LPGAT1: variants seen among roughly 807,000 people sequenced by gnomAD.
LPGAT1 encodes acyl-CoA:lysophosphatidylglycerol acyltransferase 1.
A neutral mutation model predicts 47.5 loss-of-function variants in LPGAT1; 11 were observed. The observed-to-expected ratio is 0.23, with a 90% CI of 0.15 to 0.38. The LOEUF is 0.38. Among genes scored for constraint, LPGAT1 ranks in the 10% least tolerant of loss-of-function variants. LPGAT1 has a pLI of 1.00. For synonymous variants in LPGAT1, 138 were observed against 144.2 expected, an observed-to-expected ratio of 0.96 and a Z score of 0.31; for missense variants, 293 against 439.0, an observed-to-expected ratio of 0.67 and a Z score of 2.97.
intron 6 of LPGAT1, among the ~76,000 whole-genome samples, chr1:211,769,178 T>C (rs1009535809): frequency 7.2e-5 from 11 of 152,134 alleles, no homozygotes; most frequent in Non-Finnish European, 1.5e-5. Context: ...TAGGAGCTTA[T>C]GTAGTAATCT....
At chr1:211,752,031 A>G (rs1657209510) in intron 6 of LPGAT1, among the ~76,000 whole-genome samples, 1 of 152,178 alleles carries the variant, frequency 6.6e-6, no homozygotes, top group Non-Finnish European at 1.5e-5. Flanking sequence ...CCATCTTCCC[A>G]ATACAATTGT....
intron 6 of LPGAT1, among the ~76,000 whole-genome samples, chr1:211,775,340 AC>A (rs1658351758): frequency 6.6e-6 from 1 of 152,110 alleles, no homozygotes. Context: ...AAATAGACAA[AC>A]CACTGATTAA....
chr1:211,770,188 G>A (rs1219054498), intron 6 of LPGAT1, among the ~76,000 whole-genome samples: 1 of 152,048 alleles, frequency 6.6e-6, no homozygotes, highest in East Asian at 1.9e-4. Flanking sequence ...ATATCTTGCA[G>A]TAATATCCTG....
At position 211,747,033 on chromosome 1, in the gene LPGAT1, A is replaced by AT. The variant is rs1475133834; in HGVS notation, c.*2865dup. 6.6e-6 allele frequency: 1 copy of AT among 152,252 alleles called. No individual in the cohort carries two copies. The highest frequency in any genetic ancestry group is 1.5e-5 in the Non-Finnish European group (1 of 68,038). 9.4% of individuals were successfully genotyped at this position (152,252 alleles called of 1,614,324 possible). On this transcript the variant is annotated 3_prime_UTR_variant, in exon 8 of 8. Transcript: ENST00000366997. ...AGCTGAGCTTCTACAAGCTATTGAT[A>AT]TAAAACTGGCATAGTTTTATCTTCT... is the stretch of plus-strand genomic sequence containing the variant.
chr1:211,793,411 T>G (rs1191351375), intron 2 of LPGAT1: 2 of 82,678 alleles, frequency 2.4e-5, no homozygotes, highest in Admixed American at 1.3e-4. Context: ...CATTATTTAT[T>G]TATTTATTTA....
chr1:211,796,029 C>T lies in LPGAT1; in HGVS notation c.239-2839G>A, dbSNP rs953071269. On this transcript the variant is annotated intron_variant, in intron 2 of 7. Coordinates refer to ENST00000366997, the MANE Select transcript of LPGAT1 (RefSeq NM_014873.3). ...GTCTCATCACCAAATAGTCCTTTAA[C>T]GCAATCTGTGCTACATGAGTGGAAA... Among the ~76,000 whole-genome samples the T allele has an allele frequency of 5.3e-5, 8 of 151,894 alleles. No homozygotes were observed. The South Asian group carries it at 6.2e-4, about 12-fold the overall frequency.
chr1:211,796,330 A>G (rs563633192), intron 2 of LPGAT1, among the ~76,000 whole-genome samples: 10 of 152,276 alleles, frequency 6.6e-5, no homozygotes, highest in African/African-American at 1.9e-4. Context: ...CCTAAATCCA[A>G]TAAGACTGGA....
At chr1:211,815,092 G>A (rs1447289721) in intron 2 of LPGAT1, among the ~76,000 whole-genome samples, 1 of 152,126 alleles carries the variant, frequency 6.6e-6, no homozygotes, top group Non-Finnish European at 1.5e-5. Flanking sequence ...ACTTCGTACT[G>A]AGATATCCCT....
intron 5 of LPGAT1, among the ~76,000 whole-genome samples, chr1:211,780,597 T>A (rs1020551299): frequency 6.6e-6 from 1 of 152,196 alleles, no homozygotes; most frequent in African/African-American, 2.4e-5. Context: ...TCTGTAAAGA[T>A]TTTAGAATAA....
intron 3 of LPGAT1, 92 bp from the exon 4 acceptor site, chr1:211,787,819 G>C (rs1658949544): frequency 1.3e-6 from 1 of 744,598 alleles, no homozygotes; most frequent in Admixed American, 2.8e-5. Context: ...AATCATCCAA[G>C]CATACTTTTA....
intron 2 of LPGAT1, among the ~76,000 whole-genome samples, chr1:211,803,781 G>A (rs74352531): frequency 1.5e-5 from 1 of 65,050 alleles, no homozygotes; most frequent in Non-Finnish European, 3.2e-5. Flanking sequence ...TTTTTTTTTT[G>A]ACACAGTCTT....
At chr1:211,779,096 G>C in intron 5 of LPGAT1, 52 bp from the exon 6 acceptor site, 1 of 1,431,892 alleles carries the variant, frequency 7.0e-7, no homozygotes, top group South Asian at 1.4e-5. Context: ...TATATTATCT[G>C]CAGCAAATAA....
Position 211,805,262 on chromosome 1 carries a change from C to T in LPGAT1, c.239-12072G>A, listed in dbSNP as rs190400074. On this transcript the variant is annotated intron_variant, in intron 2 of 7. Transcript: ENST00000366997. ...ATGAAAGAGAAGACATCACTACAAA[C>T]GTTCCTTGATTTATCATGGGGTTCC... Among the ~76,000 whole-genome samples the T allele has an allele frequency of 2.5e-3, 382 of 152,254 alleles. 2 individuals carry two copies. Among genetic ancestry groups the T allele is most frequent in the Non-Finnish European group, 2.7e-3 (183 of 68,002 alleles).
chr1:211,811,805 G>A (rs897794816), intron 2 of LPGAT1, among the ~76,000 whole-genome samples: 21 of 94,058 alleles, frequency 2.2e-4, no homozygotes, highest in African/African-American at 6.1e-4. Flanking sequence ...GTGAGACTCT[G>A]CCATCCCGCC....
At chr1:211,803,605 C>T (rs1445452545) in intron 2 of LPGAT1, among the ~76,000 whole-genome samples, 1 of 152,132 alleles carries the variant, frequency 6.6e-6, no homozygotes, top group African/African-American at 2.4e-5. Context: ...AGGAACAACT[C>T]TGTGCAGGAA....
intron 4 of LPGAT1, 102 bp from the exon 5 acceptor site, chr1:211,783,604 G>C: frequency 3.6e-6 from 4 of 1,097,708 alleles, no homozygotes; most frequent in Non-Finnish European, 5.1e-6. Flanking sequence ...TCCAATCACA[G>C]AATAGAATAG....
intron 7 of LPGAT1, among the ~76,000 whole-genome samples, chr1:211,750,500 T>C (rs1281421010): frequency 6.6e-6 from 1 of 152,334 alleles, no homozygotes; most frequent in African/African-American, 2.4e-5. Context: ...ATTCCCACAG[T>C]GATCAGGACC....
rs1280482106 is a variant in LPGAT1 at position 211,791,785 on chromosome 1, A to C, written c.357+1287T>G. Among the ~76,000 whole-genome samples, 81 of 146,292 alleles carry C rather than the reference A, an allele frequency of 5.5e-4. 2 individuals carry two copies. Among genetic ancestry groups the C allele is most frequent in the African/African-American group, 1.5e-3 (61 of 41,050 alleles). ...AAAAAACAAACAAACAAAAAAAAAA[A>C]ACAAAAAAAAACATTGTTTGTGATA... is the stretch of plus-strand genomic sequence containing the variant. On this transcript the variant is annotated intron_variant, in intron 3 of 7. Transcript: ENST00000366997.
intron 2 of LPGAT1, among the ~76,000 whole-genome samples, chr1:211,806,800 T>G (rs1348128765): frequency 2.0e-5 from 3 of 152,162 alleles, no homozygotes; most frequent in Non-Finnish European, 1.5e-5. Context: ...ATTTCCTCAG[T>G]GTGATAAAGT....
Sources: gnomAD v4.1 joint callset for allele counts (sites outside exome capture counted in the v4.1 genomes callset) on GRCh38, gnomAD v4.1.1 for gene constraint, MANE v1.5 for transcripts, NCBI Gene and HGNC (gene_info 2026-07-23, HGNC 2026-07-21) for gene names.